SLFN14: variants seen among roughly 807,000 people sequenced by gnomAD.
SLFN14 encodes the protein schlafen family member 14.
SLFN14 carries 47 observed loss-of-function variants against 58.6 expected under a neutral mutation model. The ratio of observed to expected loss-of-function variants is 0.80; its 90% CI spans 0.64 to 1.02. The LOEUF (loss-of-function observed/expected upper bound fraction) is 1.02. SLFN14 is among the 50% of genes least tolerant of loss of function. The pLI is 0.00. For synonymous variants in SLFN14, 390 were observed against 387.3 expected (o/e 1.01, Z -0.08); for missense variants, 967 against 1,078.4 (o/e 0.90, Z 1.45).
Position 35,557,288 on chromosome 17 carries a change from A to G in SLFN14, c.775T>C (p.Trp259Arg), listed in dbSNP as rs1390267753. The G allele has an allele frequency of 1.3e-5, 20 of 1,551,548 alleles. No homozygotes were observed. Among genetic ancestry groups the G allele is most frequent in the African/African-American group, 5.5e-5 (4 of 73,010 alleles). The change falls in exon 3 of 6, where the codon TGG (tryptophan) becomes CGG (arginine). Residue 259 changes from tryptophan (W) to arginine (R), a missense_variant. Physicochemically the swap from Trp to Arg is moderately radical, Grantham distance 101 (BLOSUM62 -3). Transcript: ENST00000674182. ...DKSKEVVGCK[W>R]EKVNPDLLKK... Reference sequence around the variant, plus strand: ...AGTAAGTCAGGATTCACTTTTTCCCACTTACATCCAACCACTTCTTTGCTC... The same window carrying G: ...AGTAAGTCAGGATTCACTTTTTCCCGCTTACATCCAACCACTTCTTTGCTC...
intron 3 of SLFN14, among the ~76,000 whole-genome samples, chr17:35,555,789 G>A (rs184489048): frequency 6.6e-5 from 10 of 152,266 alleles, no homozygotes; most frequent in Non-Finnish European, 1.5e-4. Flanking sequence ...GGATTGATTA[G>A]GAATCACCAA....
chr17:35,549,043 C>G lies in SLFN14; in HGVS notation c.1935G>C (p.Arg645Ser), dbSNP rs1391070058. The G allele has an allele frequency of 1.9e-6, 3 of 1,551,494 alleles. No homozygotes were observed. Among genetic ancestry groups the G allele is most frequent in the Non-Finnish European group, 1.7e-6 (2 of 1,146,980 alleles). Residue 645 changes from arginine (R) to serine (S), a missense_variant, in exon 6 of 6, where the codon AGG (arginine) becomes AGC (serine). Physicochemically the swap from Arg to Ser is moderately radical, Grantham distance 110. Transcript: ENST00000674182. ...TQQTTCQAVT[R>S]KTFMQGEFLK... is the part of the protein sequence containing the mutation. ...GAAACTCCCCTTGCATGAAAGTTTT[C>G]CTGGTCACAGCTTGGCAGGTGGTTT...
chr17:35,557,389 T>G lies in SLFN14; in HGVS notation c.674A>C (p.Lys225Thr), dbSNP rs2072662713. The G allele has an allele frequency of 6.4e-7, 1 of 1,551,636 alleles. No homozygotes were observed. Among genetic ancestry groups the G allele is most frequent in the Admixed American group, 2.0e-5 (1 of 50,984 alleles). The change falls in exon 3 of 6, where the codon AAG becomes ACG. Residue 225 changes from lysine (K) to threonine (T), a missense_variant. Transcript: ENST00000674182. ...AGAAACATAATGAGGCAGCATTTCC[T>G]TAATCCGAGGTATGACTTTTTTGGT... ...FTTKKVIPRI[K>T]EMLPHYVSAF...
At chr17:35,551,171 T>C (rs1044036911) in intron 5 of SLFN14, among the ~76,000 whole-genome samples, 4 of 152,240 alleles carry the variant, frequency 2.6e-5, no homozygotes, top group Non-Finnish European at 2.9e-5. Context: ...AATGTGTATA[T>C]AGTTTGGGCT....
rs550365436 is a variant in SLFN14, at chr17:35,549,885, C to T, written c.1905-812G>A. 2.6e-5 allele frequency among the ~76,000 whole-genome samples: 4 copies of T among 152,308 alleles called. No homozygotes were observed. In the East Asian group the frequency reaches 7.7e-4, roughly 29 times the overall value. On this transcript the variant is annotated intron_variant, in intron 5 of 5. Transcript: ENST00000674182. The stretch of plus-strand genomic sequence containing the variant: ...AATAAAAGTACTGATTCTTAGCCAT[C>T]TTTGTATCCCTCTCACATTAAGGGT...
chr17:35,556,344 T>C (rs1466373469), intron 3 of SLFN14, among the ~76,000 whole-genome samples: 1 of 152,170 alleles, frequency 6.6e-6, no homozygotes, highest in Non-Finnish European at 1.5e-5. Flanking sequence ...TTAAACAGTG[T>C]TTCTCTAGAA....
In SLFN14 at chr17:35,557,860, G is replaced by T. The variant is rs747820335; in HGVS notation, c.203C>A (p.Thr68Asn). 3 of 1,551,684 alleles carry T rather than the reference G, an allele frequency of 1.9e-6. No individual in the cohort carries two copies. The highest frequency in any genetic ancestry group is 2.6e-6 in the Non-Finnish European group (3 of 1,146,986). The part of the protein sequence containing the change: ...GVIKAEIDDK[T>N]YSYQCHGLGQ... ...CAGCCCATGGCATTGGTAACTATAGGTTTTATCATCAATCTCTGCTTTGAT... is the reference window on the plus strand; with the variant it reads ...CAGCCCATGGCATTGGTAACTATAGTTTTTATCATCAATCTCTGCTTTGAT... The change falls in exon 3 of 6, where the codon ACC (threonine) becomes AAC (asparagine). Residue 68 changes from threonine (T) to asparagine (N), a missense_variant. By Grantham distance (65) the Thr-to-Asn change is moderately conservative. Coordinates refer to ENST00000674182, the MANE Select transcript of SLFN14 (RefSeq NM_001129820.2).
Position 35,544,638 on chromosome 17 carries a change from C to T in SLFN14, c.*3601G>A, listed in dbSNP as rs781689072. Reference sequence around the variant, plus strand: ...CCACCTCCCAGGTTCAAGCAATTCTCCTGCCTCAGCCTCCCAAGTAGCTGG... The same window carrying T: ...CCACCTCCCAGGTTCAAGCAATTCTTCTGCCTCAGCCTCCCAAGTAGCTGG... On this transcript the variant is annotated 3_prime_UTR_variant, in exon 6 of 6. Coordinates refer to ENST00000674182, the MANE Select transcript of SLFN14 (RefSeq NM_001129820.2). Among the ~76,000 whole-genome samples the T allele has an allele frequency of 1.4e-4, 21 of 151,604 alleles. No homozygotes were observed. The highest frequency in any genetic ancestry group is 2.9e-4 in the Non-Finnish European group (20 of 67,954).
At position 35,546,790 on chromosome 17, in the gene SLFN14, G is replaced by T. The variant is rs183845781; in HGVS notation, c.*1449C>A. On this transcript the variant is annotated 3_prime_UTR_variant, in exon 6 of 6. Coordinates refer to ENST00000674182, the MANE Select transcript of SLFN14 (RefSeq NM_001129820.2). ...TTGAGGTAGTAGGCATTTGAAAAAG[G>T]ATGTGATTGCCAAGTAAGGATTTCA... Among the ~76,000 whole-genome samples the T allele has an allele frequency of 2.7e-4, 41 of 152,296 alleles. No homozygotes were observed. Among genetic ancestry groups the T allele is most frequent in the African/African-American group, 9.9e-4 (41 of 41,546 alleles).
intron 5 of SLFN14, among the ~76,000 whole-genome samples, chr17:35,552,400 A>C (rs533567708): frequency 2.0e-4 from 30 of 152,186 alleles, no homozygotes; most frequent in African/African-American, 6.0e-4. Context: ...TAAGAAAGAG[A>C]GCTCACTAAA....
chr17:35,547,954 G>A lies in SLFN14; in HGVS notation c.*285C>T, dbSNP rs1467354197. ...ACATAAAATCAGTTCTCTATTTGAG[G>A]AAAAATTCTCTGATGGATGACAGCT... On this transcript the variant is annotated 3_prime_UTR_variant, in exon 6 of 6. Transcript: ENST00000674182. Among the ~76,000 whole-genome samples the A allele has an allele frequency of 1.3e-5, 2 of 152,194 alleles. No homozygotes were observed. The highest frequency in any genetic ancestry group is 2.9e-5 in the Non-Finnish European group (2 of 68,032).
chr17:35,558,291 A>G (rs767275507), intron 2 of SLFN14, among the ~76,000 whole-genome samples, 185 bp from the exon 3 acceptor site: 1 of 152,100 alleles, frequency 6.6e-6, no homozygotes, highest in Non-Finnish European at 1.5e-5. Context: ...TTTGAGATAG[A>G]ATCTTGCTCT....
At chr17:35,552,687 C>CACATATATATATAA in intron 5 of SLFN14, 43 bp downstream of exon 5, 1 of 1,201,280 alleles carries the variant, frequency 8.3e-7, no homozygotes, top group Non-Finnish European at 1.2e-6. Context: ...TATATATATA[C>CACATATATATATAA]ACATACATAT....
chr17:35,549,828 T>C (rs528129847), intron 5 of SLFN14, among the ~76,000 whole-genome samples: 1 of 152,326 alleles, frequency 6.6e-6, no homozygotes, highest in African/African-American at 2.4e-5. Context: ...ATAACTATGT[T>C]CTTCTCTTCT....
In SLFN14 at chr17:35,548,777, C is replaced by T. The variant is rs1371589506; in HGVS notation, c.2201G>A (p.Cys734Tyr). 1 of 1,551,670 alleles carries T rather than the reference C, an allele frequency of 6.4e-7. No homozygotes were observed. Among genetic ancestry groups the T allele is most frequent in the East Asian group, 2.4e-5 (1 of 40,924 alleles). The stretch of plus-strand genomic sequence containing the variant: ...CATAACCTTCGCTATTTCCAGAGCA[C>T]AGTGGATCCCACTGGTGATTGTTTT... ...PRKTITSGIH[C>Y]ALEIAKVMKE... The change falls in exon 6 of 6, where the codon TGT becomes TAT. Residue 734 changes from cysteine (C) to tyrosine (Y), a missense_variant. Coordinates refer to ENST00000674182, the MANE Select transcript of SLFN14 (RefSeq NM_001129820.2).
rs1387973867 is a variant in SLFN14 at position 35,557,436 on chromosome 17, A to G, written c.627T>C (p.His209=). 1.9e-6 allele frequency: 3 copies of G among 1,551,586 alleles called. No individual in the cohort carries two copies. The Admixed American group carries it at 5.9e-5, about 30-fold the overall frequency. ...TGGTGGTGAACCTTTTAAATTCAAC[A>G]TGTGTTGACTCAGTAAAGTTGAGTT... ...KEKLNFTEST[H]VEFKRFTTKK... is the part of the protein sequence containing the mutation. Residue 209 remains histidine (H), a synonymous_variant, in exon 3 of 6, where the codon CAT becomes CAC. Transcript: ENST00000674182.
chr17:35,557,243 A>G lies in SLFN14; in HGVS notation c.820T>C (p.Cys274Arg). The change falls in exon 3 of 6, where the codon TGC (cysteine) becomes CGC (arginine). Residue 274 changes from cysteine (C) to arginine (R), a missense_variant. Physicochemically the swap from Cys to Arg is radical, Grantham distance 180 (BLOSUM62 -3). Transcript: ENST00000674182. ...PDLLKKEIEN[C>R]IEKLPTFHFC... ...TGGAATGTAGGCAATTTTTCTATGC[A>G]GTTTTCGATTTCTTTTTTTAGTAAG... 1 of 1,551,696 alleles carries G rather than the reference A, an allele frequency of 6.4e-7. No homozygotes were observed. The highest frequency in any genetic ancestry group is 8.7e-7 in the Non-Finnish European group (1 of 1,146,982).
chr17:35,553,275 A>C lies in SLFN14; in HGVS notation c.1359T>G (p.Asn453Lys), dbSNP rs925271419. The change falls in exon 5 of 6, where the codon AAT (asparagine) becomes AAG (lysine). Residue 453 changes from asparagine to lysine, a missense_variant. Coordinates refer to ENST00000674182, the MANE Select transcript of SLFN14 (RefSeq NM_001129820.2). ...AGDVGFRKEQ[N>K]VLCDALLIAV... Reference sequence around the variant, plus strand: ...CTATCAGGAGAGCATCACACAGGACATTCTGTTCTTTCCTGAAGCCAACAT... The same window carrying C: ...CTATCAGGAGAGCATCACACAGGACCTTCTGTTCTTTCCTGAAGCCAACAT... The C allele has an allele frequency of 2.6e-6, 4 of 1,551,570 alleles. No individual in the cohort carries two copies. In the African/African-American group the frequency reaches 5.5e-5, roughly 21 times the overall value.
chr17:35,552,836 T>G lies in SLFN14; in HGVS notation c.1798A>C (p.Thr600Pro), dbSNP rs917938229. Residue 600 changes from threonine to proline, a missense_variant, in exon 5 of 6, where the codon ACA becomes CCA. By Grantham distance (38) the Thr-to-Pro change is conservative. Transcript: ENST00000674182. ...FIYCFPGVRK[T>P]ALAIKIMEKI... ...TCCATGATCTTTATGGCTAGGGCTG[T>G]CTTCCTGACTCCTGGAAAGCAGTAG... The G allele has an allele frequency of 7.7e-6, 12 of 1,551,526 alleles. No homozygotes were observed. In the Admixed American group the frequency reaches 9.8e-5, roughly 13 times the overall value.
Sources: gnomAD v4.1 joint callset for allele counts (sites outside exome capture counted in the v4.1 genomes callset) on GRCh38, gnomAD v4.1.1 for gene constraint, MANE v1.5 for transcripts, NCBI Gene and HGNC (gene_info 2026-07-23, HGNC 2026-07-21) for gene names.